The following SBF1 variants were observed in gnomAD, a reference collection of about 807,000 sequenced individuals.
The protein encoded by SBF1 is myotubularin-related protein 5.
In SBF1, 65 loss-of-function variants were observed where a neutral mutation model predicts 215.8. That is an observed-to-expected ratio of 0.30 (90% CI 0.25 to 0.37). The LOEUF is 0.37. Ranked by LOEUF, SBF1 falls within the 10% of genes least tolerant of loss-of-function variation. The probability of loss-of-function intolerance (pLI) is 1.00; values close to 1 mark genes in which losing one functional copy is unlikely to be tolerated. For synonymous variants in SBF1, 1,410 were observed against 1,122.8 expected (o/e 1.26, Z -5.11); for missense variants, 2,634 against 2,667.8 (o/e 0.99, Z 0.28).
rs752423853 is a variant in SBF1, at chr22:50,465,753, C to T, written c.1089+10G>A. ...TGGGGTCCCCATGCAGGAGCAGCAACGACCCCCACCTGCATCTTCAGGGAG... is the reference window on the plus strand; with the variant it reads ...TGGGGTCCCCATGCAGGAGCAGCAATGACCCCCACCTGCATCTTCAGGGAG... On this transcript the variant is annotated intron_variant, in intron 10 of 40. Transcript: ENST00000380817. 19 of 1,590,910 alleles carry T rather than the reference C, an allele frequency of 1.2e-5. No individual in the cohort carries two copies. The highest frequency in any genetic ancestry group is 4.3e-4 in the Middle Eastern group (2 of 4,644).
chr22:50,464,787 T>A (rs1226116165), intron 13 of SBF1, 32 bp downstream of exon 13: 3 of 1,612,306 alleles, frequency 1.9e-6, no homozygotes, highest in Admixed American at 1.7e-5. Context: ...ATCAAGGCGG[T>A]ACGACGCCCT....
rs1483535617 is a variant in SBF1 at position 50,459,804 on chromosome 22, CCCCCCAGCCCT to C, written c.3491+137_3492-139del. 8.9e-5 allele frequency: 115 copies of C among 1,293,494 alleles called. 1 individual carries two copies. Among genetic ancestry groups the C allele is most frequent in the Non-Finnish European group, 1.5e-5 (14 of 945,076 alleles). 80.1% of individuals were successfully genotyped at this position (1,293,494 alleles called of 1,614,324 possible). On this transcript the variant is annotated intron_variant, in intron 26 of 40. Coordinates refer to ENST00000380817, the MANE Select transcript of SBF1 (RefSeq NM_002972.4). Reference sequence around the variant, plus strand: ...GCTCAGCCACGGGGCCCCCCAGCCACCCCCCAGCCCTGTGGCCCGTCCCTCTGCCCGGAGTC... The same window carrying C: ...GCTCAGCCACGGGGCCCCCCAGCCACGTGGCCCGTCCCTCTGCCCGGAGTC...
intron 28 of SBF1, among the ~76,000 whole-genome samples, chr22:50,459,040 G>C (rs1211560962): frequency 1.3e-5 from 2 of 152,168 alleles, no homozygotes; most frequent in Admixed American, 6.5e-5. Flanking sequence ...GCGGGCAGGA[G>C]GTCAGGGCAC....
intron 1 of SBF1, among the ~76,000 whole-genome samples, 190 bp from the exon 2 acceptor site, chr22:50,468,651 T>G (rs1464412172): frequency 6.6e-6 from 1 of 151,616 alleles, no homozygotes; most frequent in Non-Finnish European, 1.5e-5. Context: ...CACCTGAGGG[T>G]AGAGAAGCCC....
rs762959504 is a variant in SBF1, at chr22:50,467,699, G to T, written c.280-9C>A. 1.5e-5 allele frequency: 24 copies of T among 1,610,354 alleles called. No homozygotes were observed. The highest frequency in any genetic ancestry group is 2.0e-5 in the Non-Finnish European group (23 of 1,178,456). On this transcript the variant is annotated splice_polypyrimidine_tract_variant and intron_variant, in intron 3 of 40. Transcript: ENST00000380817. ...TCCACGCGCGTCGTTTCCTGCTGGG[G>T]GTCAGGGGGAGACGGGGGCAGGGGG...
rs1169075281 is a variant in SBF1 at position 50,461,093 on chromosome 22, A to C, written c.2967+66T>G. On this transcript the variant is annotated intron_variant, in intron 23 of 40. Coordinates refer to ENST00000380817, the MANE Select transcript of SBF1 (RefSeq NM_002972.4). Reference sequence around the variant, plus strand: ...TGGCCTAAAAATGGTTCATACAAGAAAGACCGGTTTGCAGGAGAAAGACCA... The same window carrying C: ...TGGCCTAAAAATGGTTCATACAAGACAGACCGGTTTGCAGGAGAAAGACCA... 37 of 1,526,284 alleles carry C rather than the reference A, an allele frequency of 2.4e-5. 1 individual carries two copies. The East Asian group carries it at 5.9e-4, about 24-fold the overall frequency. 94.5% of individuals were successfully genotyped at this position (1,526,284 alleles called of 1,614,324 possible).
In SBF1 at chr22:50,460,689, C is replaced by G; in HGVS notation, c.2991G>C (p.Glu997Asp). Residue 997 changes from glutamate to aspartate, a missense_variant, in exon 24 of 41, where the codon GAG becomes GAC. Transcript: ENST00000380817. ...GCTCGGCGCTGTCAGACCCCACCTC[C>G]TCGTCAAAGGCCATTTTCAGCAGCT... Reference protein sequence around the residue: ...TFQLLKMAFDEEVGSDSAELF... With the variant: ...TFQLLKMAFDDEVGSDSAELF... 4 of 1,613,584 alleles carry G rather than the reference C, an allele frequency of 2.5e-6. No individual in the cohort carries two copies. The highest frequency in any genetic ancestry group is 8.5e-7 in the Non-Finnish European group (1 of 1,179,974).
At chr22:50,451,415 T>C (rs2067042857) in intron 36 of SBF1, among the ~76,000 whole-genome samples, 1 of 152,006 alleles carries the variant, frequency 6.6e-6, no homozygotes, top group Non-Finnish European at 1.5e-5. Flanking sequence ...AGTAGTGAAC[T>C]TGAAGACAAG....
intron 36 of SBF1, among the ~76,000 whole-genome samples, chr22:50,449,617 AACACACAAACACACAC>A (rs889218859): frequency 2.4e-5 from 1 of 41,170 alleles, no homozygotes; most frequent in Non-Finnish European, 5.8e-5. Flanking sequence ...TCTGTCTCAA[AACACACAAACACACAC>A]ACACACACAC....
Position 50,455,088 on chromosome 22 carries a change from G to C in SBF1, c.4609C>G (p.Leu1537Val). Residue 1537 changes from leucine to valine, a missense_variant, in exon 34 of 41, where the codon CTC becomes GTC. Physicochemically the swap from Leu to Val is conservative, Grantham distance 32. Coordinates refer to ENST00000380817, the MANE Select transcript of SBF1 (RefSeq NM_002972.4). Reference protein sequence around the residue: ...FEFSQFYLKFLGYHHVSRRFR... With the variant: ...FEFSQFYLKFVGYHHVSRRFR... Reference sequence around the variant, plus strand: ...CGGCGGGACACATGGTGGTAGCCGAGGAACTTGAGGTAGAACTGGCTGAAC... The same window carrying C: ...CGGCGGGACACATGGTGGTAGCCGACGAACTTGAGGTAGAACTGGCTGAAC... The C allele has an allele frequency of 7.4e-6, 12 of 1,614,106 alleles. No homozygotes were observed. The highest frequency in any genetic ancestry group is 1.1e-5 in the South Asian group (1 of 91,080).
Position 50,456,257 on chromosome 22 carries a change from A to AGGCTG in SBF1, c.4220_4224dup (p.Ser1409GlnfsTer14). Reference sequence around the variant, plus strand: ...GAGTCCTCCAGTGAGCGCAGGAAGGAGGCTGGGCTGGGCTCAGCAGCGGGG... The same window carrying AGGCTG: ...GAGTCCTCCAGTGAGCGCAGGAAGGAGGCTGGGCTGGGCTGGGCTCAGCAGCGGGG... On this transcript the variant is annotated frameshift_variant, in exon 31 of 41. Transcript: ENST00000380817. LOFTEE classifies it high-confidence loss of function. The AGGCTG allele has an allele frequency of 6.2e-7, 1 of 1,612,582 alleles. No homozygotes were observed. Among genetic ancestry groups the AGGCTG allele is most frequent in the Non-Finnish European group, 8.5e-7 (1 of 1,179,930 alleles).
Position 50,465,091 on chromosome 22 carries a change from A to T in SBF1, c.1242T>A (p.Asp414Glu). 6.2e-7 allele frequency: 1 copy of T among 1,614,068 alleles called. No individual in the cohort carries two copies. Reference sequence around the variant, plus strand: ...TGCCCTCCAGCACCTTCATCAGGAAATCGTCCTCTACCAGCCCACGCTGGC... The same window carrying T: ...TGCCCTCCAGCACCTTCATCAGGAATTCGTCCTCTACCAGCCCACGCTGGC... ...FLGQRGLVED[D>E]FLMKVLEGMA... Residue 414 changes from aspartate to glutamate, a missense_variant, in exon 12 of 41, where the codon GAT becomes GAA. Physicochemically the swap from Asp to Glu is conservative, Grantham distance 45. Coordinates refer to ENST00000380817, the MANE Select transcript of SBF1 (RefSeq NM_002972.4).
chr22:50,471,073 A>T (rs2067978712), intron 1 of SBF1, among the ~76,000 whole-genome samples: 1 of 152,148 alleles, frequency 6.6e-6, no homozygotes, highest in Non-Finnish European at 1.5e-5. Context: ...TGCCCATCAG[A>T]GTGCTGCCTT....
At position 50,462,559 on chromosome 22, in the gene SBF1, C is replaced by A. The variant is rs2067564440; in HGVS notation, c.2127G>T (p.Gln709His). 1 of 1,609,958 alleles carries A rather than the reference C, an allele frequency of 6.2e-7. No individual in the cohort carries two copies. ...CCCAGCCCAGGGAGTCCCTGCGCAC[C>A]TGGGCGGGGGCCAGGTCCTCCGTGG... ...LEPTEDLAPA[Q>H]EVGEAPSQED... The change falls in exon 18 of 41, where the codon CAG becomes CAT. Residue 709 changes from glutamine (Q) to histidine (H), a missense_variant and splice_region_variant. Gln to His is a conservative substitution (Grantham distance 24). Coordinates refer to ENST00000380817, the MANE Select transcript of SBF1 (RefSeq NM_002972.4).
intron 40 of SBF1, 34 bp from the exon 41 acceptor site, chr22:50,447,274 C>T (rs751476981): frequency 4.0e-5 from 65 of 1,613,362 alleles, no homozygotes; most frequent in Non-Finnish European, 5.3e-5. Context: ...TCCGCAGCCC[C>T]CACACCGCAG....
chr22:50,456,453 G>GGCCCCCCCCCC, intron 30 of SBF1, 39 bp downstream of exon 30: 15 of 1,519,980 alleles, frequency 9.9e-6, no homozygotes, highest in East Asian at 2.4e-5. Flanking sequence ...CCCCTGCCGA[G>GGCCCCCCCCCC]CCCCCACCCT....
chr22:50,445,032 C>G lies in SBF1; in HGVS notation c.*2110G>C, dbSNP rs181964772. 5 of 152,790 alleles carry G rather than the reference C, an allele frequency of 3.3e-5. No homozygotes were observed. The East Asian group carries it at 9.6e-4, about 29-fold the overall frequency. The allele number at this position is 152,790 out of a possible 1,614,324, so 9.5% of individuals were successfully genotyped here. On this transcript the variant is annotated 3_prime_UTR_variant, in exon 41 of 41. Coordinates refer to ENST00000380817, the MANE Select transcript of SBF1 (RefSeq NM_002972.4). ...TTGAGTCCATTTTTAATGTTCTGAT[C>G]ACCTGACAGGGCACCCCAAACCCCC...
chr22:50,474,374 G>GGAGCCACTA (rs1433183579), intron 1 of SBF1, among the ~76,000 whole-genome samples: 1 of 152,220 alleles, frequency 6.6e-6, no homozygotes, highest in Non-Finnish European at 1.5e-5. Flanking sequence ...CCGCGCCCCT[G>GGAGCCACTA]GAGCCACTAG....
Position 50,456,270 on chromosome 22 carries a change from C to A in SBF1, c.4212G>T (p.Glu1404Asp). The A allele has an allele frequency of 1.2e-6, 2 of 1,612,802 alleles. No homozygotes were observed. Among genetic ancestry groups the A allele is most frequent in the Non-Finnish European group, 1.7e-6 (2 of 1,179,974 alleles). The change falls in exon 31 of 41, where the codon GAG becomes GAT. Residue 1404 changes from glutamate to aspartate, a missense_variant. Physicochemically the swap from Glu to Asp is conservative, Grantham distance 45. Transcript: ENST00000380817. ...AGCGCAGGAAGGAGGCTGGGCTGGG[C>A]TCAGCAGCGGGGCAGCCTGGGACAC... The part of the protein sequence containing the change: ...KACVPGCPAA[E>D]PSPASFLRSL...
Sources: allele counts gnomAD v4.1 joint callset (sites outside exome capture counted in the v4.1 genomes callset), GRCh38; gene constraint gnomAD v4.1.1; transcripts MANE v1.5; gene names NCBI Gene and HGNC (gene_info 2026-07-23, HGNC 2026-07-21).